Variants in TMEM132D observed in about 807,000 individuals in gnomAD.
TMEM132D encodes the protein mature OL transmembrane protein.
A neutral mutation model predicts 62.3 loss-of-function variants in TMEM132D; 21 were observed. The observed-to-expected ratio is 0.34, with a 90% CI of 0.24 to 0.49. The LOEUF (loss-of-function observed/expected upper bound fraction) is 0.49, where lower values mean the gene tolerates loss of function less well. TMEM132D is among the 20% of genes least tolerant of loss of function. The pLI is 0.99. For missense variants in TMEM132D, 1,346 were observed against 1,402.8 expected (o/e 0.96, Z 0.65); for synonymous variants, 621 against 575.6 (o/e 1.08, Z -1.13).
intron 3 of TMEM132D, among the ~76,000 whole-genome samples, chr12:129,373,220 C>A (rs1325229265): frequency 6.7e-6 from 1 of 150,290 alleles, no homozygotes; most frequent in African/African-American, 2.4e-5. Context: ...ACTTGACTCA[C>A]CCCCACCCCA....
At chr12:129,110,103 C>T (rs935248132) in intron 5 of TMEM132D, 2 of 152,406 alleles carry the variant, frequency 1.3e-5, no homozygotes, top group African/African-American at 4.8e-5. Context: ...CCCGGTTCTC[C>T]CTCCTTCCCA....
intron 1 of TMEM132D, among the ~76,000 whole-genome samples, chr12:129,772,582 C>A (rs1035189728): frequency 3.3e-5 from 5 of 152,182 alleles, no homozygotes; most frequent in Non-Finnish European, 5.9e-5. Context: ...CTGCAAAGGT[C>A]CCCTGAAAAC....
At chr12:129,432,316 T>A (rs1434766718) in intron 3 of TMEM132D, among the ~76,000 whole-genome samples, 2 of 79,494 alleles carry the variant, frequency 2.5e-5, no homozygotes, top group African/African-American at 1.1e-4. Context: ...GATGGATGGA[T>A]GCTTGGATGG....
Position 129,096,640 on chromosome 12 carries a change from C to T in TMEM132D, c.1444-11938G>A, listed in dbSNP as rs1432177152. On this transcript the variant is annotated intron_variant, in intron 5 of 8. Coordinates refer to ENST00000422113, the MANE Select transcript of TMEM132D (RefSeq NM_133448.3). ...TGCCTGCTACCAGCACTCCTTGAGG[C>T]TGAGTGACAGTGCTTTCTGGAAGAA... 3.9e-5 allele frequency among the ~76,000 whole-genome samples: 6 copies of T among 152,146 alleles called. 1 individual carries two copies. Among genetic ancestry groups the T allele is most frequent in the Non-Finnish European group, 4.4e-5 (3 of 68,022 alleles).
At chr12:129,140,469 C>A (rs1876707145) in intron 5 of TMEM132D, among the ~76,000 whole-genome samples, 1 of 152,088 alleles carries the variant, frequency 6.6e-6, no homozygotes, top group Non-Finnish European at 1.5e-5. Flanking sequence ...TAGTTTTATT[C>A]TTTTCTAGCA....
At chr12:129,671,912 T>C (rs1416828841) in intron 2 of TMEM132D, among the ~76,000 whole-genome samples, 2 of 152,114 alleles carry the variant, frequency 1.3e-5, no homozygotes, top group East Asian at 3.9e-4. Flanking sequence ...AGCAGCACAG[T>C]GGGAATCAGA....
intron 5 of TMEM132D, among the ~76,000 whole-genome samples, chr12:129,130,211 G>A (rs1467266139): frequency 2.0e-5 from 3 of 152,074 alleles, no homozygotes; most frequent in African/African-American, 4.8e-5. Flanking sequence ...CCTGCAGGCA[G>A]CATGCTAGGG....
At chr12:129,110,617 C>T (rs916050631) in intron 5 of TMEM132D, 2 of 152,276 alleles carry the variant, frequency 1.3e-5, no homozygotes, top group Non-Finnish European at 2.9e-5. Context: ...CTCCCTCCCC[C>T]TGAGGTGCAT....
At chr12:129,254,141 G>A (rs1348298034) in intron 4 of TMEM132D, among the ~76,000 whole-genome samples, 1 of 152,070 alleles carries the variant, frequency 6.6e-6, no homozygotes, top group Admixed American at 6.6e-5. Flanking sequence ...TCCACATTCG[G>A]GGAGTTATGG....
intron 1 of TMEM132D, among the ~76,000 whole-genome samples, chr12:129,868,260 A>G (rs1874124074): frequency 6.6e-6 from 1 of 152,136 alleles, no homozygotes. Context: ...AACACACATG[A>G]GACAGCATTT....
chr12:129,428,272 T>C (rs889315371), intron 3 of TMEM132D, among the ~76,000 whole-genome samples: 3 of 152,250 alleles, frequency 2.0e-5, no homozygotes, highest in African/African-American at 7.2e-5. Context: ...TACATAAAGA[T>C]GTTACAGCAC....
intron 1 of TMEM132D, among the ~76,000 whole-genome samples, chr12:129,809,171 G>A (rs1872088037): frequency 6.6e-6 from 1 of 152,066 alleles, no homozygotes; most frequent in Non-Finnish European, 1.5e-5. Flanking sequence ...AGCCAGGCAT[G>A]GTGGCGGGCA....
chr12:129,420,306 G>GGTTTTTTTTTTTTT (rs1457529737), intron 3 of TMEM132D, among the ~76,000 whole-genome samples: 2 of 112,310 alleles, frequency 1.8e-5, no homozygotes, highest in East Asian at 3.6e-4. Context: ...CACGTTCTCT[G>GGTTTTTTTTTTTTT]TTTTTTTTTT....
At chr12:129,342,491 A>T (rs1193484445) in intron 3 of TMEM132D, among the ~76,000 whole-genome samples, 1 of 152,010 alleles carries the variant, frequency 6.6e-6, no homozygotes, top group Non-Finnish European at 1.5e-5. Context: ...AACCTAGGCA[A>T]TACCATTCAG....
At chr12:129,555,772 T>C (rs904760300) in intron 2 of TMEM132D, among the ~76,000 whole-genome samples, 86 of 152,344 alleles carry the variant, frequency 5.6e-4, no homozygotes, top group African/African-American at 1.8e-3. Context: ...ATTGATTATA[T>C]ATATTAGTTG....
chr12:129,086,400 A>ACCTCCAAC (rs1874624092), intron 5 of TMEM132D, among the ~76,000 whole-genome samples: 1 of 151,566 alleles, frequency 6.6e-6, no homozygotes, highest in South Asian at 2.1e-4. Context: ...CCTCCCCCTA[A>ACCTCCAAC]CCTCCAACCC....
chr12:129,209,565 C>A lies in TMEM132D; in HGVS notation c.1398G>T (p.Leu466=). 1 of 1,614,192 alleles carries A rather than the reference C, an allele frequency of 6.2e-7. No homozygotes were observed. Among genetic ancestry groups the A allele is most frequent in the Non-Finnish European group, 8.5e-7 (1 of 1,180,016 alleles). Residue 466 remains leucine (L), a synonymous_variant, in exon 5 of 9, where the codon CTG becomes CTT. Transcript: ENST00000422113. ...SVEDDGTVTE[L]LESVECRSSD... Reference sequence around the variant, plus strand: ...ACGATCTACACTCCACAGACTCCAGCAGCTCTGTCACTGTGCCGTCGTCCT... The same window carrying A: ...ACGATCTACACTCCACAGACTCCAGAAGCTCTGTCACTGTGCCGTCGTCCT...
intron 5 of TMEM132D, among the ~76,000 whole-genome samples, chr12:129,209,259 G>A (rs941684489): frequency 1.3e-5 from 2 of 152,170 alleles, no homozygotes; most frequent in African/African-American, 4.8e-5. Context: ...CTGGGAAGAG[G>A]CCAAGGGCAT....
At chr12:129,623,433 C>T (rs1879124770) in intron 2 of TMEM132D, among the ~76,000 whole-genome samples, 1 of 151,920 alleles carries the variant, frequency 6.6e-6, no homozygotes, top group Non-Finnish European at 1.5e-5. Flanking sequence ...TTCATCCACC[C>T]TCCCCTCTTC....
Sources: gnomAD v4.1 joint callset for allele counts (sites outside exome capture counted in the v4.1 genomes callset) on GRCh38, gnomAD v4.1.1 for gene constraint, MANE v1.5 for transcripts, NCBI Gene and HGNC (gene_info 2026-07-23, HGNC 2026-07-21) for gene names.